The following KCNMA1 variants were observed in gnomAD, a reference collection of about 807,000 sequenced individuals.
The protein encoded by KCNMA1 is Calcium-activated potassium channel subunit alpha-1.
A neutral mutation model predicts 140.0 loss-of-function variants in KCNMA1; 29 were observed. That is an observed-to-expected ratio of 0.21 (90% CI 0.15 to 0.28). The LOEUF is 0.28. Among genes scored for constraint, KCNMA1 ranks in the 10% least tolerant of loss-of-function variants. The probability of loss-of-function intolerance (pLI) is 1.00; values close to 1 mark genes in which losing one functional copy is unlikely to be tolerated. For synonymous variants in KCNMA1, 612 were observed against 611.9 expected, an observed-to-expected ratio of 1.00 and a Z score of 0.00; for missense variants, 880 against 1,602.2, an observed-to-expected ratio of 0.55 and a Z score of 7.70.
intron 9 of KCNMA1, 175 bp from the exon 10 acceptor site, chr10:77,090,685 C>A (rs536780982): frequency 6.4e-6 from 4 of 627,854 alleles, no homozygotes; most frequent in African/African-American, 5.4e-5. Context: ...AGCAGCGGTG[C>A]TAGCAGGTGC....
chr10:77,012,218 T>C, intron 17 of KCNMA1, 175 bp from the exon 18 acceptor site: 8 of 1,486,990 alleles, frequency 5.4e-6, no homozygotes, highest in Non-Finnish European at 7.1e-6. Flanking sequence ...AGACCATTTA[T>C]TTCAAACACA....
chr10:77,535,335 GGAA>G (rs1241740785), intron 1 of KCNMA1, among the ~76,000 whole-genome samples: 1 of 152,114 alleles, frequency 6.6e-6, no homozygotes, highest in African/African-American at 2.4e-5. Context: ...AAATACGGAT[GGAA>G]GTAGTTATAA....
chr10:77,071,604 C>G (rs1405066552), intron 14 of KCNMA1: 3 of 152,148 alleles, frequency 2.0e-5, no homozygotes, highest in Non-Finnish European at 4.4e-5. Context: ...CCATTCAGTT[C>G]CACCCATGCA....
intron 1 of KCNMA1, among the ~76,000 whole-genome samples, chr10:77,409,406 G>A (rs1740586663): frequency 6.6e-6 from 1 of 152,210 alleles, no homozygotes; most frequent in Non-Finnish European, 1.5e-5. Context: ...CCAGCCAGGT[G>A]ACCACCGGGC....
intron 2 of KCNMA1, among the ~76,000 whole-genome samples, chr10:77,323,496 A>G (rs1400253): frequency 0.015 from 2,296 of 152,276 alleles, 47 homozygotes; most frequent in African/African-American, 0.043. Context: ...CTGAAGGAGC[A>G]GGACTTAGCT....
chr10:77,271,220 G>T (rs2065031302), intron 2 of KCNMA1, among the ~76,000 whole-genome samples: 1 of 152,172 alleles, frequency 6.6e-6, no homozygotes, highest in Admixed American at 6.5e-5. Flanking sequence ...CAGTTCCTCA[G>T]TTGCACTGGC....
chr10:77,065,684 T>G (rs964166051), intron 14 of KCNMA1, among the ~76,000 whole-genome samples: 11 of 152,200 alleles, frequency 7.2e-5, no homozygotes, highest in African/African-American at 2.7e-4. Context: ...ATATTTGTAA[T>G]GTACTCTTTG....
At chr10:77,466,517 T>C (rs2098018474) in intron 1 of KCNMA1, among the ~76,000 whole-genome samples, 1 of 152,230 alleles carries the variant, frequency 6.6e-6, no homozygotes, top group Non-Finnish European at 1.5e-5. Context: ...AAAGAGCTTA[T>C]TCTCTAGTGA....
At chr10:77,210,440 A>G (rs2045678578) in intron 3 of KCNMA1, among the ~76,000 whole-genome samples, 1 of 152,290 alleles carries the variant, frequency 6.6e-6, no homozygotes, top group Admixed American at 6.5e-5. Flanking sequence ...CATCTATGAC[A>G]AACCCACAAC....
chr10:77,347,179 C>A (rs2092295849), intron 2 of KCNMA1, among the ~76,000 whole-genome samples: 1 of 152,136 alleles, frequency 6.6e-6, no homozygotes, highest in Non-Finnish European at 1.5e-5. Flanking sequence ...TAGCACAGAG[C>A]CTGATACAGT....
At chr10:76,892,468 G>A (rs1180055239) in intron 25 of KCNMA1, among the ~76,000 whole-genome samples, 1 of 152,164 alleles carries the variant, frequency 6.6e-6, no homozygotes, top group Non-Finnish European at 1.5e-5. Context: ...AAATAAAGGA[G>A]CTTTAAAAGG....
intron 2 of KCNMA1, among the ~76,000 whole-genome samples, chr10:77,385,163 C>T (rs976493115): frequency 1.3e-5 from 2 of 152,184 alleles, no homozygotes; most frequent in Non-Finnish European, 2.9e-5. Context: ...TCCAGATACT[C>T]AATAAGATTA....
intron 3 of KCNMA1, among the ~76,000 whole-genome samples, chr10:77,225,654 G>A (rs748811972): frequency 1.3e-5 from 2 of 152,164 alleles, no homozygotes; most frequent in Non-Finnish European, 2.9e-5. Flanking sequence ...GGTGCCCACG[G>A]GACTGCTGGG....
At chr10:76,899,311 C>CA (rs2044022721) in intron 25 of KCNMA1, among the ~76,000 whole-genome samples, 1 of 152,060 alleles carries the variant, frequency 6.6e-6, no homozygotes, top group African/African-American at 2.4e-5. Flanking sequence ...AAGAGTTGTA[C>CA]AAAATTGTCC....
intron 5 of KCNMA1, among the ~76,000 whole-genome samples, chr10:77,160,759 T>C (rs949951288): frequency 6.6e-6 from 1 of 152,228 alleles, no homozygotes; most frequent in Non-Finnish European, 1.5e-5. Context: ...GGAAATGTCA[T>C]GTCTTATAAA....
At chr10:76,901,706 A>C (rs1240286354) in intron 25 of KCNMA1, 1 of 152,238 alleles carries the variant, frequency 6.6e-6, no homozygotes, top group African/African-American at 2.4e-5. Flanking sequence ...CAGGTGTCTG[A>C]ACAACTCTGG....
intron 26 of KCNMA1, among the ~76,000 whole-genome samples, chr10:76,890,232 A>G (rs1348257878): frequency 6.6e-6 from 1 of 152,218 alleles, no homozygotes; most frequent in Non-Finnish European, 1.5e-5. Context: ...CTGATGCAGA[A>G]AGTGAAAGCA....
chr10:76,883,578 C>A (rs76441846), downstream of KCNMA1, among the ~76,000 whole-genome samples: 5,385 of 152,246 alleles, frequency 0.035, 311 homozygotes, highest in African/African-American at 0.12. Flanking sequence ...TATTGTTCAC[C>A]CCTTTCAAAG....
At chr10:77,228,527 T>A (rs2052376170) in intron 3 of KCNMA1, among the ~76,000 whole-genome samples, 1 of 152,210 alleles carries the variant, frequency 6.6e-6, no homozygotes, top group Non-Finnish European at 1.5e-5. Context: ...TAAAGAGGCT[T>A]GCCAGGGTCC....
Sources: gnomAD v4.1 joint callset for allele counts (sites outside exome capture counted in the v4.1 genomes callset) on GRCh38, gnomAD v4.1.1 for gene constraint, MANE v1.5 for transcripts, NCBI Gene and HGNC (gene_info 2026-07-23, HGNC 2026-07-21) for gene names.